DLG5: variants seen among roughly 807,000 people sequenced by gnomAD.
The protein encoded by DLG5 is disks large homolog 5.
In DLG5, 48 loss-of-function variants were observed where a neutral mutation model predicts 189.8. The ratio of observed to expected loss-of-function variants is 0.25; its 90% confidence interval spans 0.20 to 0.32. The LOEUF is 0.32. Among genes scored for constraint, DLG5 ranks in the 10% least tolerant of loss-of-function variants. The pLI is 1.00. For missense variants in DLG5, 2,160 were observed against 2,544.7 expected, an observed-to-expected ratio of 0.85 and a Z score of 3.25; for synonymous variants, 1,016 against 1,054.1, an observed-to-expected ratio of 0.96 and a Z score of 0.70.
chr10:77,806,718 A>AGCCCCCCCCCCCCCC, intron 26 of DLG5, 40 bp downstream of exon 26: 2 of 1,333,648 alleles, frequency 1.5e-6, no homozygotes, highest in Non-Finnish European at 2.1e-6. Context: ...GCCCTCGGCG[A>AGCCCCCCCCCCCCCC]CCCCTGCCCC....
chr10:77,796,562 T>C lies in DLG5; in HGVS notation c.5197A>G (p.Lys1733Glu). 6.2e-7 allele frequency: 1 copy of C among 1,614,046 alleles called. No homozygotes were observed. Among genetic ancestry groups the C allele is most frequent in the Non-Finnish European group, 8.5e-7 (1 of 1,179,998 alleles). Reference sequence around the variant, plus strand: ...GGCCTCAGAGCGGTGCAGTCCACCTTCTGGACCCGCTGATAGGCCAGGCTC... The same window carrying C: ...GGCCTCAGAGCGGTGCAGTCCACCTCCTGGACCCGCTGATAGGCCAGGCTC... ...SVSLAYQRVQ[K>E]VDCTALRPVL... The change falls in exon 28 of 32, where the codon AAG (lysine) becomes GAG (glutamate). Residue 1733 changes from lysine to glutamate, a missense_variant. Transcript: ENST00000372391. This position sits in a 1 kb window ranked among gnomAD's most constrained non-coding sequence, Gnocchi z 5.2.
At chr10:77,806,718 A>ACGGCCCCCCCCC in intron 26 of DLG5, 40 bp downstream of exon 26, 3 of 1,333,654 alleles carry the variant, frequency 2.2e-6, no homozygotes, top group Non-Finnish European at 3.2e-6. Flanking sequence ...GCCCTCGGCG[A>ACGGCCCCCCCCC]CCCCTGCCCC....
chr10:77,885,209 G>T (rs1845402596), intron 1 of DLG5, among the ~76,000 whole-genome samples: 1 of 152,140 alleles, frequency 6.6e-6, no homozygotes, highest in Non-Finnish European at 1.5e-5. Context: ...CTCAGCTAGA[G>T]CATGAGCCCA....
At chr10:77,793,647 G>A (rs756315745) in intron 31 of DLG5, 17 of 240,820 alleles carry the variant, frequency 7.1e-5, no homozygotes, top group Non-Finnish European at 1.4e-4. Flanking sequence ...CCTAGCCTCC[G>A]CTGCCCACAC....
At chr10:77,844,704 T>A (rs1474529028) in intron 5 of DLG5, among the ~76,000 whole-genome samples, 1 of 152,060 alleles carries the variant, frequency 6.6e-6, no homozygotes, top group Non-Finnish European at 1.5e-5. Flanking sequence ...CAGAGCAAGG[T>A]AAGAACTATC....
chr10:77,865,324 A>C (rs1441597705), intron 2 of DLG5, among the ~76,000 whole-genome samples: 1 of 152,154 alleles, frequency 6.6e-6, no homozygotes, highest in African/African-American at 2.4e-5. Context: ...ATGAAGGATC[A>C]GAGGTCACAG....
intron 7 of DLG5, among the ~76,000 whole-genome samples, chr10:77,840,541 A>G (rs1843366482): frequency 6.6e-6 from 1 of 152,154 alleles, no homozygotes; most frequent in African/African-American, 2.4e-5. Flanking sequence ...AACATGGCAA[A>G]GCCACGTCTC....
chr10:77,817,076 A>G lies in DLG5; in HGVS notation c.3805T>C (p.Phe1269Leu). ...GGGATTTTAATGCGTTCCGCCTTGAACTGCAAGTTACTCGAAGAACCTATT... is the reference window on the plus strand; with the variant it reads ...GGGATTTTAATGCGTTCCGCCTTGAGCTGCAAGTTACTCGAAGAACCTATT... ...ARLGSSSNLQ[F>L]KAERIKIPST... is the part of the protein sequence containing the mutation. The change falls in exon 19 of 32, where the codon TTC (phenylalanine) becomes CTC (leucine). Residue 1269 changes from phenylalanine (F) to leucine (L), a missense_variant. Transcript: ENST00000372391. 6.2e-7 allele frequency: 1 copy of G among 1,614,110 alleles called. No individual in the cohort carries two copies. Among genetic ancestry groups the G allele is most frequent in the Non-Finnish European group, 8.5e-7 (1 of 1,180,034 alleles).
chr10:77,863,016 A>T (rs1328090795), intron 2 of DLG5, among the ~76,000 whole-genome samples: 1 of 152,238 alleles, frequency 6.6e-6, no homozygotes, highest in Non-Finnish European at 1.5e-5. Context: ...ACTATTTGTC[A>T]AAACTTGAAC....
intron 1 of DLG5, among the ~76,000 whole-genome samples, chr10:77,882,447 G>A (rs1845310482): frequency 6.6e-6 from 1 of 152,116 alleles, no homozygotes; most frequent in Non-Finnish European, 1.5e-5. Context: ...AGGAGGCTCA[G>A]GTCTATCTCT....
rs777987925 is a variant in DLG5 at position 77,842,184 on chromosome 10, C to T, written c.1134G>A (p.Ala378=). 5.0e-6 allele frequency: 8 copies of T among 1,600,508 alleles called. No homozygotes were observed. Among genetic ancestry groups the T allele is most frequent in the Admixed American group, 1.7e-5 (1 of 59,946 alleles). ...QCALSLRRFE[A]IHHELNKATA... ...TGGCCTTGTTCAGCTCATGGTGGATCGCCTCAAACCTGGCAAGAGAGGTGG... is the reference window on the plus strand; with the variant it reads ...TGGCCTTGTTCAGCTCATGGTGGATTGCCTCAAACCTGGCAAGAGAGGTGG... Residue 378 remains alanine, a synonymous_variant, in exon 7 of 32, where the codon GCG becomes GCA. Transcript: ENST00000372391.
chr10:77,865,877 G>A (rs560351210), intron 2 of DLG5, among the ~76,000 whole-genome samples: 27 of 152,024 alleles, frequency 1.8e-4, no homozygotes, highest in Admixed American at 5.9e-4. Context: ...TCCGAGACCC[G>A]ACAGACCGCC....
At position 77,821,155 on chromosome 10, in the gene DLG5, C is replaced by T. The variant is rs754115676; in HGVS notation, c.3329G>A (p.Arg1110His). 4.2e-5 allele frequency: 68 copies of T among 1,614,052 alleles called. No homozygotes were observed. The highest frequency in any genetic ancestry group is 4.0e-5 in the African/African-American group (3 of 74,944). ...ACTGGGAGCAGATTTTGGCCGGCGA[C>T]GCTTCTGCCCCAGCTCATCCACCTT... The part of the protein sequence containing the change: ...SQKVDELGQK[R>H]RRPKSAPSFR... The change falls in exon 15 of 32, where the codon CGT (arginine) becomes CAT (histidine). Residue 1110 changes from arginine (R) to histidine (H), a missense_variant. Arg to His is a conservative substitution (Grantham distance 29). Coordinates refer to ENST00000372391, the MANE Select transcript of DLG5 (RefSeq NM_004747.4).
At chr10:77,822,449 G>A (rs575002542) in intron 14 of DLG5, among the ~76,000 whole-genome samples, 49 of 152,280 alleles carry the variant, frequency 3.2e-4, no homozygotes, top group African/African-American at 1.2e-3. Flanking sequence ...TTCGAGACCA[G>A]CCTGACCGAT....
intron 27 of DLG5, among the ~76,000 whole-genome samples, chr10:77,799,405 G>A (rs752351166): frequency 9.9e-5 from 15 of 152,114 alleles, no homozygotes; most frequent in Non-Finnish European, 1.8e-4. Flanking sequence ...ATAGAACTGC[G>A]GCTTTTTAAG....
intron 1 of DLG5, among the ~76,000 whole-genome samples, chr10:77,911,891 C>T (rs960369280): frequency 7.4e-5 from 11 of 149,374 alleles, no homozygotes; most frequent in Non-Finnish European, 1.5e-4. Flanking sequence ...CAAGTGATAA[C>T]ATTTTCTTAA....
At chr10:77,916,313 A>G (rs996122855) in intron 1 of DLG5, among the ~76,000 whole-genome samples, 1 of 151,788 alleles carries the variant, frequency 6.6e-6, no homozygotes, top group Non-Finnish European at 1.5e-5. Flanking sequence ...TTTGTAAGAC[A>G]GAGTTTCGCT....
chr10:77,904,304 T>A (rs1341484931), intron 1 of DLG5, among the ~76,000 whole-genome samples: 1 of 152,104 alleles, frequency 6.6e-6, no homozygotes, highest in Non-Finnish European at 1.5e-5. Flanking sequence ...CATGTGGAAC[T>A]GTTCATAGGC....
intron 5 of DLG5, among the ~76,000 whole-genome samples, chr10:77,847,987 G>C (rs56113231): frequency 6.6e-6 from 1 of 152,304 alleles, no homozygotes; most frequent in East Asian, 1.9e-4. Flanking sequence ...GATTACAGGC[G>C]TGAGCCCTGA....
Sources: gnomAD v4.1 joint callset for allele counts (sites outside exome capture counted in the v4.1 genomes callset) on GRCh38, gnomAD v4.1.1 for gene constraint, Gnocchi (gnomAD v3.1) non-coding constraint, MANE v1.5 for transcripts, NCBI Gene and HGNC (gene_info 2026-07-23, HGNC 2026-07-21) for gene names.